The following SYT1 variants were observed in gnomAD, a reference collection of about 807,000 sequenced individuals.
SYT1 encodes the protein synaptotagmin 1, also known as synaptotagmin-1.
Under a neutral mutation model 44.8 loss-of-function variants are expected in SYT1, and 8 were observed. That is an observed-to-expected ratio of 0.18 (90% CI 0.10 to 0.32). The LOEUF (loss-of-function observed/expected upper bound fraction) is 0.32. Ranked by LOEUF, SYT1 falls within the 10% of genes least tolerant of loss-of-function variation. SYT1 has a pLI of 1.00. For synonymous variants in SYT1, 154 were observed against 188.8 expected (o/e 0.82, Z 1.51); for missense variants, 286 against 509.3 (o/e 0.56, Z 4.22).
chr12:79,163,985 T>C (rs1871102303), intron 3 of SYT1, among the ~76,000 whole-genome samples: 1 of 152,048 alleles, frequency 6.6e-6, no homozygotes, highest in African/African-American at 2.4e-5. Flanking sequence ...GGCTGTGCCA[T>C]TGTTGTATGA....
At chr12:78,948,200 C>T (rs1009876633) in intron 1 of SYT1, among the ~76,000 whole-genome samples, 2 of 151,618 alleles carry the variant, frequency 1.3e-5, no homozygotes, top group Non-Finnish European at 2.9e-5. Flanking sequence ...AGGAATTAGT[C>T]ATGGAATAGT....
chr12:79,044,855 C>T (rs1224883921), intron 2 of SYT1, among the ~76,000 whole-genome samples: 1 of 151,342 alleles, frequency 6.6e-6, no homozygotes, highest in Non-Finnish European at 1.5e-5. Flanking sequence ...CAGACAGGAC[C>T]CTCAGCTGCA....
intron 3 of SYT1, among the ~76,000 whole-genome samples, chr12:79,083,303 A>C (rs1877161575): frequency 6.6e-6 from 1 of 152,190 alleles, no homozygotes; most frequent in African/African-American, 2.4e-5. Flanking sequence ...TGACTGAAGT[A>C]TAAATTAGTA....
At chr12:79,235,518 T>C (rs1413520223) in intron 4 of SYT1, among the ~76,000 whole-genome samples, 7 of 151,354 alleles carry the variant, frequency 4.6e-5, no homozygotes, top group Admixed American at 4.6e-4. Flanking sequence ...TTTCAAGGAG[T>C]CAAGCCTTCT....
intron 8 of SYT1, among the ~76,000 whole-genome samples, chr12:79,303,527 A>G (rs1880247704): frequency 6.6e-6 from 1 of 152,044 alleles, no homozygotes; most frequent in African/African-American, 2.4e-5. Context: ...AAAATTTGGT[A>G]AAGAGTGATT....
intron 3 of SYT1, among the ~76,000 whole-genome samples, chr12:79,214,522 A>C (rs116965668): frequency 6.6e-6 from 1 of 152,192 alleles, no homozygotes; most frequent in Non-Finnish European, 1.5e-5. Context: ...TATATGTAGA[A>C]ATTTTTTATG....
intron 3 of SYT1, among the ~76,000 whole-genome samples, chr12:79,069,498 G>C (rs1876116898): frequency 6.6e-6 from 1 of 150,998 alleles, no homozygotes; most frequent in South Asian, 2.1e-4. Flanking sequence ...ATTGTGTTTG[G>C]ATGTTGAGAC....
chr12:79,425,532 A>C (rs1404435359), intron 9 of SYT1, among the ~76,000 whole-genome samples: 1 of 152,142 alleles, frequency 6.6e-6, no homozygotes, highest in Admixed American at 6.6e-5. Context: ...ATTGCTCTGA[A>C]CTGAGGGCAA....
chr12:79,213,554 ACT>A (rs1419289583), intron 3 of SYT1, among the ~76,000 whole-genome samples: 9 of 152,336 alleles, frequency 5.9e-5, no homozygotes, highest in Admixed American at 5.9e-4. Flanking sequence ...GTGCTCAATA[ACT>A]GTTAGCTTAT....
chr12:79,262,239 C>T (rs1413143484), intron 4 of SYT1, among the ~76,000 whole-genome samples: 2 of 152,080 alleles, frequency 1.3e-5, no homozygotes, highest in Non-Finnish European at 2.9e-5. Flanking sequence ...TGTTTTATAG[C>T]ATGGTTGGAC....
chr12:79,405,453 T>C (rs1479838413), intron 9 of SYT1, among the ~76,000 whole-genome samples: 1 of 152,156 alleles, frequency 6.6e-6, no homozygotes, highest in Non-Finnish European at 1.5e-5. Context: ...TCAACCCAGC[T>C]ATGGGAAATA....
intron 4 of SYT1, among the ~76,000 whole-genome samples, chr12:79,239,679 A>C (rs560703746): frequency 6.6e-6 from 1 of 152,368 alleles, no homozygotes; most frequent in South Asian, 2.1e-4. Flanking sequence ...CACAGTTTAC[A>C]TGAATTAGAA....
chr12:79,327,459 T>G (rs567443104), intron 8 of SYT1, among the ~76,000 whole-genome samples: 2 of 152,300 alleles, frequency 1.3e-5, no homozygotes, highest in South Asian at 2.1e-4. Context: ...AGGTAACATA[T>G]AGCCAAAAAT....
At chr12:79,017,602 G>A (rs1871889715) in intron 2 of SYT1, among the ~76,000 whole-genome samples, 1 of 152,072 alleles carries the variant, frequency 6.6e-6, no homozygotes, top group Non-Finnish European at 1.5e-5. Context: ...CACATTGTGG[G>A]GAGGGGACTT....
chr12:79,346,953 C>T (rs781740672), intron 8 of SYT1, among the ~76,000 whole-genome samples: 4 of 151,656 alleles, frequency 2.6e-5, no homozygotes, highest in African/African-American at 7.3e-5. Flanking sequence ...AGGCACCATT[C>T]TACCAGCTAT....
intron 4 of SYT1, among the ~76,000 whole-genome samples, chr12:79,218,464 C>G (rs1592863793): frequency 6.6e-6 from 1 of 152,114 alleles, no homozygotes; most frequent in Admixed American, 6.6e-5. Flanking sequence ...CAAAAGATCT[C>G]TCGAACTTAT....
In SYT1 at chr12:78,929,446, A is replaced by AAAAAAAAAAAAAAAAAAAAAAAG. The variant is rs373264605; in HGVS notation, c.-216-48353_-216-48352insAAAAAAAAAAAAAAAAAAAAAAG. 1.9e-4 allele frequency among the ~76,000 whole-genome samples: 25 copies of AAAAAAAAAAAAAAAAAAAAAAAG among 128,588 alleles called. 5 individuals are homozygous for AAAAAAAAAAAAAAAAAAAAAAAG. The highest frequency in any genetic ancestry group is 9.7e-4 in the African/African-American group (25 of 25,904). The allele number at this position is 128,588 out of a possible 152,430, so 84.4% of individuals were successfully genotyped here. A position where few individuals can be genotyped will look rare whatever the true frequency, so the allele number is the denominator to read the frequency against. ...AAAAAAAAAAAAAAAAAAAAAAAAAAGGTTATTAGCAGCAATTAGTTTTAT... is the reference window on the plus strand; with the variant it reads ...AAAAAAAAAAAAAAAAAAAAAAAAAAAAAAAAAAAAAAAAAAAAAAAAGGGTTATTAGCAGCAATTAGTTTTAT... On this transcript the variant is annotated intron_variant, in intron 1 of 10. Coordinates refer to ENST00000261205, the MANE Select transcript of SYT1 (RefSeq NM_005639.3).
At chr12:79,043,987 G>A (rs1482037332) in intron 2 of SYT1, among the ~76,000 whole-genome samples, 7 of 152,278 alleles carry the variant, frequency 4.6e-5, no homozygotes, top group South Asian at 2.1e-4. Context: ...GGTTTCTGCC[G>A]AGAGATCCGC....
At chr12:79,268,082 C>T (rs1211989617) in intron 4 of SYT1, among the ~76,000 whole-genome samples, 2 of 152,142 alleles carry the variant, frequency 1.3e-5, no homozygotes, top group Non-Finnish European at 2.9e-5. Flanking sequence ...TCAGTAGGGA[C>T]TGTGAATTTG....
Sources: allele counts gnomAD v4.1 joint callset (sites outside exome capture counted in the v4.1 genomes callset), GRCh38; gene constraint gnomAD v4.1.1; transcripts MANE v1.5; gene names NCBI Gene and HGNC (gene_info 2026-07-23, HGNC 2026-07-21).